RUNX1: variants seen among roughly 807,000 people sequenced by gnomAD.
The protein encoded by RUNX1 is runt-related transcription factor 1.
Under a neutral mutation model 42.8 loss-of-function variants are expected in RUNX1, and 19 were observed. That is an observed-to-expected ratio of 0.44 (90% CI 0.31 to 0.65). The LOEUF (loss-of-function observed/expected upper bound fraction) is 0.65, where lower values mean the gene tolerates loss of function less well. Among genes scored for constraint, RUNX1 ranks in the 30% least tolerant of loss-of-function variants. The pLI is 0.07. For missense variants in RUNX1, 528 were observed against 672.0 expected, an observed-to-expected ratio of 0.79 and a Z score of 2.37; for synonymous variants, 271 against 289.4, an observed-to-expected ratio of 0.94 and a Z score of 0.64.
chr21:34,834,358 G>A (rs1362262447), intron 7 of RUNX1, 52 bp downstream of exon 7: 2 of 1,571,282 alleles, frequency 1.3e-6, no homozygotes, highest in East Asian at 4.5e-5. Context: ...CCAGTTGTGG[G>A]TGGTGGCCCA....
At position 34,924,173 on chromosome 21, in the gene RUNX1, A is replaced by C. The variant is rs188269637; in HGVS notation, c.59-31210T>G. On this transcript the variant is annotated intron_variant, in intron 2 of 8. Coordinates refer to ENST00000675419, the MANE Select transcript of RUNX1 (RefSeq NM_001754.5). Reference sequence around the variant, plus strand: ...AGCTTACCCATCAATCCAACTTGGGATCCTGTCCCTTTGCTAGGCCCAACT... The same window carrying C: ...AGCTTACCCATCAATCCAACTTGGGCTCCTGTCCCTTTGCTAGGCCCAACT... 7.9e-5 allele frequency among the ~76,000 whole-genome samples: 12 copies of C among 152,288 alleles called. 1 individual carries two copies. In the East Asian group the frequency reaches 2.1e-3, roughly 27 times the overall value.
chr21:34,908,284 C>G lies in RUNX1; in HGVS notation c.59-15321G>C, dbSNP rs538083781. Among the ~76,000 whole-genome samples the G allele has an allele frequency of 5.3e-5, 8 of 152,222 alleles. No homozygotes were observed. The East Asian group carries it at 7.7e-4, about 15-fold the overall frequency. ...AATGCAATGAGATGCAAAAGGGTAA[C>G]TATTATTAATCTTCTTCCTGAAGTG... On this transcript the variant is annotated intron_variant, in intron 2 of 8. Transcript: ENST00000675419.
chr21:35,005,050 C>G (rs976224110), intron 2 of RUNX1, among the ~76,000 whole-genome samples: 3 of 152,170 alleles, frequency 2.0e-5, no homozygotes, highest in Non-Finnish European at 4.4e-5. Flanking sequence ...ACCACAAAAA[C>G]TGCTGTCACC....
At chr21:34,983,563 A>C (rs2058862867) in intron 2 of RUNX1, among the ~76,000 whole-genome samples, 1 of 152,210 alleles carries the variant, frequency 6.6e-6, no homozygotes, top group Non-Finnish European at 1.5e-5. Context: ...GTCTTATCTA[A>C]GACAATCTCT....
intron 7 of RUNX1, chr21:34,833,772 G>A (rs2057098948): frequency 5.1e-6 from 1 of 194,652 alleles, no homozygotes; most frequent in African/African-American, 2.3e-5. Flanking sequence ...TGAACTTCTT[G>A]TATTATCTAA....
At chr21:34,878,352 A>AT (rs1233069766) in intron 5 of RUNX1, among the ~76,000 whole-genome samples, 3 of 147,722 alleles carry the variant, frequency 2.0e-5, no homozygotes, top group African/African-American at 7.6e-5. Context: ...ACTAAAAAAA[A>AT]AAAAAAAAAT....
intron 2 of RUNX1, among the ~76,000 whole-genome samples, chr21:34,906,837 A>G (rs186367428): frequency 1.6e-4 from 25 of 152,324 alleles, no homozygotes; most frequent in Admixed American, 1.2e-3. Context: ...GAACCCAGAT[A>G]GATGGATAAA....
At chr21:34,992,388 T>A (rs1400377852) in intron 2 of RUNX1, among the ~76,000 whole-genome samples, 2 of 152,150 alleles carry the variant, frequency 1.3e-5, no homozygotes, top group Non-Finnish European at 2.9e-5. Context: ...GCAGCCAGAC[T>A]TTGGAAAGCA....
At position 35,009,867 on chromosome 21, in the gene RUNX1, C is replaced by T. The variant is rs147960533; in HGVS notation, c.58+38975G>A. Among the ~76,000 whole-genome samples the T allele has an allele frequency of 1.2e-3, 181 of 152,270 alleles. 2 individuals carry two copies. The highest frequency in any genetic ancestry group is 1.9e-3 in the Non-Finnish European group (128 of 68,014). On this transcript the variant is annotated intron_variant, in intron 2 of 8. Coordinates refer to ENST00000675419, the MANE Select transcript of RUNX1 (RefSeq NM_001754.5). ...ATGGAGCTTGGGCCTAATACTTCAA[C>T]ATTTTTGTGCTTTAGTTTTCTTATA...
intron 3 of RUNX1, chr21:34,888,390 A>G: frequency 9.4e-7 from 1 of 1,067,878 alleles, no homozygotes; most frequent in Non-Finnish European, 1.1e-6. Flanking sequence ...ACCACAGAGC[A>G]CTTTCTCCCC....
Position 34,834,187 on chromosome 21 carries a change from G to T in RUNX1, c.805+223C>A, listed in dbSNP as rs373360582. ...CTGTAGCAGTGCTTTTCCTTGTGGG[G>T]ATCTGGTTACAATGCAGATCTGACT... On this transcript the variant is annotated intron_variant, in intron 7 of 8. Coordinates refer to ENST00000675419, the MANE Select transcript of RUNX1 (RefSeq NM_001754.5). 73 of 696,858 alleles carry T rather than the reference G, an allele frequency of 1.0e-4. No individual in the cohort carries two copies. In the African/African-American group the frequency reaches 1.2e-3, roughly 11 times the overall value. 43.2% of individuals were successfully genotyped at this position (696,858 alleles called of 1,614,324 possible).
At position 34,901,898 on chromosome 21, in the gene RUNX1, A is replaced by G. The variant is rs543520327; in HGVS notation, c.59-8935T>C. ...TCACACTAGTAAGATTTTCTGGTGG[A>G]TGATAGATGCAGAGTCTATAAAGTT... is the stretch of plus-strand genomic sequence containing the variant. On this transcript the variant is annotated intron_variant, in intron 2 of 8. Transcript: ENST00000675419. The surrounding 1 kb of genome is among the most constrained non-coding windows in gnomAD (Gnocchi z 4.3). Among the ~76,000 whole-genome samples the G allele has an allele frequency of 2.0e-5, 3 of 152,310 alleles. No homozygotes were observed. The highest frequency in any genetic ancestry group is 2.1e-4 in the South Asian group (1 of 4,826).
rs1313894804 is a variant in RUNX1 at position 34,878,358 on chromosome 21, A to AT, written c.508+2198_508+2199insA. Among the ~76,000 whole-genome samples, 1,417 of 145,660 alleles carry AT rather than the reference A, an allele frequency of 9.7e-3. 14 individuals carry two copies. Among genetic ancestry groups the AT allele is most frequent in the African/African-American group, 0.029 (1,110 of 38,560 alleles). ...GTAGCGCTGACTAAAAAAAAAAAAA[A>AT]AAATATATATATATATATACACACA... On this transcript the variant is annotated intron_variant, in intron 5 of 8. Transcript: ENST00000675419.
At chr21:34,899,809 C>A (rs1376055143) in intron 2 of RUNX1, among the ~76,000 whole-genome samples, 1 of 152,174 alleles carries the variant, frequency 6.6e-6, no homozygotes, top group Non-Finnish European at 1.5e-5. Context: ...CATTGTATTA[C>A]CAGTCAAATT....
chr21:34,835,049 G>C (rs1291131537), intron 6 of RUNX1, among the ~76,000 whole-genome samples: 2 of 152,222 alleles, frequency 1.3e-5, no homozygotes, highest in Non-Finnish European at 2.9e-5. Context: ...CCCAGCCACT[G>C]GCACGTTTTA....
At chr21:34,961,950 T>A (rs573329011) in intron 2 of RUNX1, among the ~76,000 whole-genome samples, 62 of 152,294 alleles carry the variant, frequency 4.1e-4, no homozygotes, top group Non-Finnish European at 7.5e-4. Flanking sequence ...TGGAGTGCAG[T>A]GGCATAATCA....
intron 7 of RUNX1, among the ~76,000 whole-genome samples, chr21:34,816,950 G>A (rs949113797): frequency 6.6e-6 from 1 of 152,174 alleles, no homozygotes; most frequent in African/African-American, 2.4e-5. Context: ...GGAAACTGGT[G>A]GTTCCATGGT....
intron 2 of RUNX1, among the ~76,000 whole-genome samples, chr21:34,998,771 G>C (rs1259721759): frequency 6.6e-6 from 1 of 152,142 alleles, no homozygotes; most frequent in Admixed American, 6.5e-5. Context: ...TCAGTCTCCT[G>C]ACCTCGTGAT....
chr21:35,000,019 CACAA>C (rs148654439), intron 2 of RUNX1, among the ~76,000 whole-genome samples: 2,362 of 152,226 alleles, frequency 0.016, 61 homozygotes, highest in African/African-American at 0.054. Flanking sequence ...TTGACTTTTA[CACAA>C]ACAGTTATTT....
Sources: allele counts gnomAD v4.1 joint callset (sites outside exome capture counted in the v4.1 genomes callset), GRCh38; gene constraint gnomAD v4.1.1; non-coding constraint Gnocchi (gnomAD v3.1); transcripts MANE v1.5; gene names NCBI Gene and HGNC (gene_info 2026-07-23, HGNC 2026-07-21).